The following SH3D19 variants were observed in gnomAD, a reference collection of about 807,000 sequenced individuals.
SH3D19 encodes SH3 domain containing 19.
In SH3D19, 58 loss-of-function variants were observed where a neutral mutation model predicts 112.1. The ratio of observed to expected loss-of-function variants is 0.52; its 90% CI spans 0.42 to 0.64. The LOEUF (loss-of-function observed/expected upper bound fraction) is 0.64, where lower values mean the gene tolerates loss of function less well. Among genes scored for constraint, SH3D19 ranks in the 30% least tolerant of loss-of-function variants. The pLI is 0.00. For missense variants in SH3D19, 1,090 were observed against 1,263.4 expected, an observed-to-expected ratio of 0.86 and a Z score of 2.08; for synonymous variants, 391 against 448.5, an observed-to-expected ratio of 0.87 and a Z score of 1.62.
intron 1 of SH3D19, among the ~76,000 whole-genome samples, chr4:151,241,304 C>T (rs1472134536): frequency 2.0e-5 from 3 of 151,548 alleles, no homozygotes; most frequent in Admixed American, 6.6e-5. Context: ...TAAATAAATA[C>T]GTAAATAAAT....
At chr4:151,262,918 C>T (rs1430805463) in intron 1 of SH3D19, 1 of 152,200 alleles carries the variant, frequency 6.6e-6, no homozygotes, top group African/African-American at 2.4e-5. Context: ...GGGCTCCTGC[C>T]TATTATGCTT....
intron 1 of SH3D19, among the ~76,000 whole-genome samples, chr4:151,310,049 T>C (rs983098396): frequency 6.6e-6 from 1 of 151,280 alleles, no homozygotes; most frequent in Non-Finnish European, 1.5e-5. Context: ...TTTGGGAGGC[T>C]GAGGCAGGAG....
chr4:151,126,395 T>C (rs557845254), intron 19 of SH3D19, among the ~76,000 whole-genome samples: 3 of 152,226 alleles, frequency 2.0e-5, no homozygotes, highest in Middle Eastern at 3.2e-3. Context: ...ACAGGCTATT[T>C]TGACAGCAGT....
chr4:151,299,652 C>A (rs1728153710), intron 1 of SH3D19, among the ~76,000 whole-genome samples: 1 of 149,820 alleles, frequency 6.7e-6, no homozygotes, highest in Non-Finnish European at 1.5e-5. Context: ...TAGGACAAAT[C>A]TCCTATTCCC....
intron 1 of SH3D19, among the ~76,000 whole-genome samples, chr4:151,323,578 A>C (rs927366228): frequency 5.3e-5 from 8 of 152,234 alleles, no homozygotes; most frequent in Non-Finnish European, 1.0e-4. Context: ...ATTCCATTAC[A>C]TCGTCCTCAC....
intron 1 of SH3D19, chr4:151,283,344 G>A: frequency 7.2e-6 from 11 of 1,531,948 alleles, no homozygotes; most frequent in Non-Finnish European, 9.9e-6. Context: ...TTGGATCCAG[G>A]TTTTCCTATC....
At chr4:151,152,199 C>G (rs1483579864) in intron 9 of SH3D19, among the ~76,000 whole-genome samples, 1 of 152,170 alleles carries the variant, frequency 6.6e-6, no homozygotes, top group African/African-American at 2.4e-5. Flanking sequence ...GAGCCATTGT[C>G]TTAGTGTTTG....
chr4:151,246,026 C>A (rs1283756301), intron 1 of SH3D19, among the ~76,000 whole-genome samples: 18 of 147,192 alleles, frequency 1.2e-4, no homozygotes, highest in Non-Finnish European at 2.4e-4. Context: ...ACTTTATAAC[C>A]CCATTGAAGA....
In SH3D19 at chr4:151,158,073, TGGAA is replaced by T. The variant is rs570042339; in HGVS notation, c.1755+1163_1755+1166del. Among the ~76,000 whole-genome samples the T allele has an allele frequency of 1.1e-3, 164 of 152,124 alleles. 1 individual carries two copies. The highest frequency in any genetic ancestry group is 1.9e-3 in the Non-Finnish European group (132 of 68,016). ...ACAATAATATATAGCTTCAAATAGC[TGGAA>T]GGAAGATATTGAATATTCCAAACAG... On this transcript the variant is annotated intron_variant, in intron 9 of 19. Coordinates refer to ENST00000604030, the MANE Select transcript of SH3D19 (RefSeq NM_001378122.1).
chr4:151,194,089 G>A (rs1763051491), intron 2 of SH3D19, among the ~76,000 whole-genome samples: 1 of 137,786 alleles, frequency 7.3e-6, no homozygotes, highest in African/African-American at 3.1e-5. Context: ...GCAGTGGCAT[G>A]ATCTCGGCTT....
chr4:151,224,448 T>A (rs1768659045), intron 2 of SH3D19, among the ~76,000 whole-genome samples: 1 of 152,224 alleles, frequency 6.6e-6, no homozygotes, highest in South Asian at 2.1e-4. Context: ...ATGGTAAATT[T>A]ATGAAGAACT....
chr4:151,199,566 C>T (rs1168265333), intron 2 of SH3D19, among the ~76,000 whole-genome samples: 4 of 152,176 alleles, frequency 2.6e-5, no homozygotes, highest in Non-Finnish European at 4.4e-5. Flanking sequence ...TTTGAAATAA[C>T]TCGCCTGCTG....
At chr4:151,204,870 G>A (rs1019531858) in intron 2 of SH3D19, among the ~76,000 whole-genome samples, 11 of 151,994 alleles carry the variant, frequency 7.2e-5, no homozygotes, top group Admixed American at 2.0e-4. Context: ...ACCCAAGCTG[G>A]AGTGCAGTGG....
chr4:151,126,347 G>A (rs1749317514), intron 19 of SH3D19, among the ~76,000 whole-genome samples: 1 of 152,132 alleles, frequency 6.6e-6, no homozygotes, highest in Non-Finnish European at 1.5e-5. Context: ...TCCTCTGACT[G>A]AATATCTTCA....
At chr4:151,195,308 C>A (rs983709062) in intron 2 of SH3D19, among the ~76,000 whole-genome samples, 1 of 123,528 alleles carries the variant, frequency 8.1e-6, no homozygotes, top group Non-Finnish European at 1.6e-5. Context: ...GCAGGCGGAG[C>A]GTGCAGTGAG....
chr4:151,265,925 GT>G (rs1772756308), intron 1 of SH3D19, among the ~76,000 whole-genome samples: 1 of 152,072 alleles, frequency 6.6e-6, no homozygotes, highest in Non-Finnish European at 1.5e-5. Context: ...ATTATTCATT[GT>G]TGGGAATGAG....
At chr4:151,151,905 A>T (rs991401333) in intron 9 of SH3D19, among the ~76,000 whole-genome samples, 1 of 152,234 alleles carries the variant, frequency 6.6e-6, no homozygotes, top group African/African-American at 2.4e-5. Flanking sequence ...TAAAAAATAG[A>T]TATATAAATT....
intron 1 of SH3D19, among the ~76,000 whole-genome samples, chr4:151,313,570 C>T (rs1417090459): frequency 6.6e-6 from 1 of 152,154 alleles, no homozygotes; most frequent in Non-Finnish European, 1.5e-5. Context: ...GCACACACCA[C>T]TGCGCCCACC....
Position 151,158,324 on chromosome 4 carries a change from A to C in SH3D19, c.1755+916T>G, listed in dbSNP as rs748059181. ...TTTATTTATTTATTTTTTGAGATGG[A>C]GTCTCACTCTGTCGCCCCAGGCTGG... On this transcript the variant is annotated intron_variant, in intron 9 of 19. Coordinates refer to ENST00000604030, the MANE Select transcript of SH3D19 (RefSeq NM_001378122.1). Among the ~76,000 whole-genome samples the C allele has an allele frequency of 2.2e-4, 33 of 152,090 alleles. No homozygotes were observed. The East Asian group carries it at 3.1e-3, about 14-fold the overall frequency.
Sources: allele counts gnomAD v4.1 joint callset (sites outside exome capture counted in the v4.1 genomes callset), GRCh38; gene constraint gnomAD v4.1.1; transcripts MANE v1.5; gene names NCBI Gene and HGNC (gene_info 2026-07-23, HGNC 2026-07-21).